ZNF438: variants seen among roughly 807,000 people sequenced by gnomAD.
The protein encoded by ZNF438 is zinc finger protein 438.
ZNF438 carries 25 observed loss-of-function variants against 38.0 expected under a neutral mutation model. That is an observed-to-expected ratio of 0.66 (90% confidence interval 0.48 to 0.92). The LOEUF (loss-of-function observed/expected upper bound fraction) is 0.92, where lower values mean the gene tolerates loss of function less well. Among genes scored for constraint, ZNF438 ranks in the 40% least tolerant of loss-of-function variants. ZNF438 has a pLI of 0.00. For synonymous variants in ZNF438, 372 were observed against 364.1 expected, an observed-to-expected ratio of 1.02 and a Z score of -0.25; for missense variants, 1,007 against 999.6, an observed-to-expected ratio of 1.01 and a Z score of -0.10.
chr10:30,907,238 G>C (rs970321032), intron 3 of ZNF438, among the ~76,000 whole-genome samples: 1 of 152,162 alleles, frequency 6.6e-6, no homozygotes, highest in Non-Finnish European at 1.5e-5. Context: ...GCCTCCCAAA[G>C]TGCTGGGATT....
chr10:30,975,624 C>G (rs1049497448), intron 1 of ZNF438, among the ~76,000 whole-genome samples: 1 of 152,172 alleles, frequency 6.6e-6, no homozygotes, highest in Non-Finnish European at 1.5e-5. Flanking sequence ...AATTTCACAT[C>G]TGACTATTTC....
At chr10:30,951,530 T>C (rs2135795817) in intron 1 of ZNF438, among the ~76,000 whole-genome samples, 1 of 152,258 alleles carries the variant, frequency 6.6e-6, no homozygotes, top group African/African-American at 2.4e-5. Context: ...CTCCTTAAGC[T>C]GATAAGCAAC....
At chr10:30,849,544 G>C (rs773242997) in exon 5 of ZNF438, 38 of 1,614,250 alleles carry the variant, frequency 2.4e-5, no homozygotes, top group Non-Finnish European at 3.2e-5. Context: ...TCCCTTTGGG[G>C]ACTGAAGAGA....
chr10:30,948,998 G>A (rs564842110), intron 1 of ZNF438, among the ~76,000 whole-genome samples: 63 of 152,310 alleles, frequency 4.1e-4, no homozygotes, highest in East Asian at 3.9e-3. Flanking sequence ...GGCAGCCAGA[G>A]AGAAAGGTCG....
At chr10:30,983,307 G>T (rs2052421707) in intron 1 of ZNF438, among the ~76,000 whole-genome samples, 1 of 152,232 alleles carries the variant, frequency 6.6e-6, no homozygotes, top group Non-Finnish European at 1.5e-5. Context: ...AAGAGGTTTA[G>T]TTGGTTCATG....
chr10:30,921,879 T>C (rs1267662852), intron 2 of ZNF438, among the ~76,000 whole-genome samples: 1 of 152,212 alleles, frequency 6.6e-6, no homozygotes, highest in East Asian at 1.9e-4. Context: ...TAAGGCATCA[T>C]GCGGCCTCTC....
intron 2 of ZNF438, among the ~76,000 whole-genome samples, chr10:30,912,486 C>G (rs2043183228): frequency 6.6e-6 from 1 of 152,102 alleles, no homozygotes; most frequent in African/African-American, 2.4e-5. Flanking sequence ...CCTAGGATAT[C>G]TCATCCATTT....
intron 1 of ZNF438, among the ~76,000 whole-genome samples, chr10:30,961,751 G>A (rs113351329): frequency 0.037 from 5,406 of 145,998 alleles, 459 homozygotes; most frequent in African/African-American, 0.12. Context: ...GGCCGGGTGT[G>A]GTGGCGTGCG....
intron 1 of ZNF438, among the ~76,000 whole-genome samples, chr10:30,948,245 T>A (rs981053162): frequency 4.6e-5 from 7 of 151,954 alleles, no homozygotes; most frequent in African/African-American, 1.7e-4. Context: ...CAAAAACCCA[T>A]CTGTACATCA....
intron 2 of ZNF438, among the ~76,000 whole-genome samples, chr10:30,938,408 T>C (rs938854492): frequency 6.6e-6 from 1 of 152,126 alleles, no homozygotes; most frequent in African/African-American, 2.4e-5. Flanking sequence ...CCCAAGTAGC[T>C]GGGATTACAG....
chr10:30,906,459 C>T (rs1187221770), intron 3 of ZNF438, among the ~76,000 whole-genome samples: 1 of 152,022 alleles, frequency 6.6e-6, no homozygotes, highest in Non-Finnish European at 1.5e-5. Flanking sequence ...TTAATTAGTT[C>T]TAAGAATTTT....
At chr10:30,984,403 T>C (rs546039480) in intron 1 of ZNF438, 2 of 152,320 alleles carry the variant, frequency 1.3e-5, no homozygotes, top group East Asian at 1.9e-4. Context: ...TCATAAGATA[T>C]ACCGTAAATC....
At position 30,943,837 on chromosome 10, in the gene ZNF438, C is replaced by G. The variant is rs113218706; in HGVS notation, c.-191-2186G>C. Reference sequence around the variant, plus strand: ...CTTTAAAACCTAGATTTTTTAAATGCCATGCTTTTTCTTGAGATGGTAAAA... The same window carrying G: ...CTTTAAAACCTAGATTTTTTAAATGGCATGCTTTTTCTTGAGATGGTAAAA... On this transcript the variant is annotated intron_variant, in intron 1 of 5. Coordinates refer to ENST00000413025, the Ensembl canonical transcript of ZNF438. Among the ~76,000 whole-genome samples, 3 of 149,934 alleles carry G rather than the reference C, an allele frequency of 2.0e-5. No individual in the cohort carries two copies. The South Asian group carries it at 6.4e-4, about 32-fold the overall frequency.
At chr10:30,880,728 C>T (rs2101763) in intron 3 of ZNF438, among the ~76,000 whole-genome samples, 58,117 of 151,902 alleles carry the variant, frequency 0.38, 11,407 homozygotes, top group Admixed American at 0.41. Flanking sequence ...CCCTCATAAG[C>T]ACAGATGCAA....
At chr10:30,888,928 T>C (rs1389954493) in intron 3 of ZNF438, among the ~76,000 whole-genome samples, 1 of 152,234 alleles carries the variant, frequency 6.6e-6, no homozygotes, top group Non-Finnish European at 1.5e-5. Flanking sequence ...GTTCTATTTT[T>C]AGGTCTTTGA....
At chr10:30,962,537 C>T (rs2049610311) in intron 1 of ZNF438, among the ~76,000 whole-genome samples, 1 of 147,432 alleles carries the variant, frequency 6.8e-6, no homozygotes, top group South Asian at 2.2e-4. Flanking sequence ...ATTTGGGAAA[C>T]ACTGGGTTAA....
chr10:31,012,818 A>C (rs1205486647), intron 1 of ZNF438, among the ~76,000 whole-genome samples: 2 of 152,170 alleles, frequency 1.3e-5, no homozygotes, highest in Non-Finnish European at 2.9e-5. Flanking sequence ...CTCTTCCCCA[A>C]CAATGCCAGA....
Position 30,848,514 on chromosome 10 carries a change from A to G in ZNF438, c.1874+17T>C, listed in dbSNP as rs759631947. 1.3e-6 allele frequency: 2 copies of G among 1,595,384 alleles called. No individual in the cohort carries two copies. The highest frequency in any genetic ancestry group is 1.7e-6 in the Non-Finnish European group (2 of 1,167,598). ...AAACAGACTCTCTTGCCAGGTCTCCATTACATTGGCACTCACCTCTCCAAT... is the reference window on the plus strand; with the variant it reads ...AAACAGACTCTCTTGCCAGGTCTCCGTTACATTGGCACTCACCTCTCCAAT... On this transcript the variant is annotated intron_variant, in intron 5 of 5. Coordinates refer to ENST00000413025, the Ensembl canonical transcript of ZNF438.
At chr10:30,969,547 A>G (rs2136198422) in intron 1 of ZNF438, among the ~76,000 whole-genome samples, 1 of 152,356 alleles carries the variant, frequency 6.6e-6, no homozygotes, top group South Asian at 2.1e-4. Context: ...AGTGGGAAGG[A>G]AAATTTTAAA....
Sources: gnomAD v4.1 joint callset for allele counts (sites outside exome capture counted in the v4.1 genomes callset) on GRCh38, gnomAD v4.1.1 for gene constraint, MANE v1.5 for transcripts, NCBI Gene and HGNC (gene_info 2026-07-23, HGNC 2026-07-21) for gene names.